Variants in PLD1 observed in about 807,000 individuals in gnomAD.
PLD1 encodes phospholipase D1, also known as choline phosphatase 1.
PLD1 carries 112 observed loss-of-function variants against 137.1 expected under a neutral mutation model. That is an observed-to-expected ratio of 0.82 (90% CI 0.70 to 0.96). The LOEUF (loss-of-function observed/expected upper bound fraction) is 0.96, where lower values mean the gene tolerates loss of function less well. Ranked by LOEUF, PLD1 falls within the 40% of genes least tolerant of loss-of-function variation. The probability of loss-of-function intolerance (pLI) is 0.00; values close to 1 mark genes in which losing one functional copy is unlikely to be tolerated. For missense variants in PLD1, 1,321 were observed against 1,342.0 expected (o/e 0.98, Z 0.24); for synonymous variants, 431 against 454.7 (o/e 0.95, Z 0.66).
At chr3:171,725,403 C>A (rs1718428730) in intron 7 of PLD1, among the ~76,000 whole-genome samples, 1 of 152,004 alleles carries the variant, frequency 6.6e-6, no homozygotes, top group South Asian at 2.1e-4. Context: ...TTGAGCCATG[C>A]CAAAGGAAGC....
chr3:171,752,006 A>C (rs1310826890), intron 1 of PLD1, among the ~76,000 whole-genome samples: 1 of 151,844 alleles, frequency 6.6e-6, no homozygotes, highest in Non-Finnish European at 1.5e-5. Flanking sequence ...CCGTCTCAAA[A>C]AAAAAAAAAA....
intron 14 of PLD1, 34 bp downstream of exon 14, chr3:171,688,642 G>A (rs768882288): frequency 6.9e-7 from 1 of 1,457,448 alleles, no homozygotes; most frequent in Admixed American, 1.7e-5. Flanking sequence ...TTATGTTCGT[G>A]TTATACATTT....
At chr3:171,633,109 T>A (rs1015239364) in intron 23 of PLD1, among the ~76,000 whole-genome samples, 1 of 152,180 alleles carries the variant, frequency 6.6e-6, no homozygotes, top group Non-Finnish European at 1.5e-5. Context: ...TCAAATGCTA[T>A]GGGGACACCC....
At chr3:171,727,103 T>C (rs1452034088) in intron 6 of PLD1, among the ~76,000 whole-genome samples, 1 of 152,250 alleles carries the variant, frequency 6.6e-6, no homozygotes, top group African/African-American at 2.4e-5. Flanking sequence ...TATTATTCTT[T>C]TGATTTTTTT....
chr3:171,776,680 C>A (rs542098168), intron 1 of PLD1, among the ~76,000 whole-genome samples: 1 of 152,312 alleles, frequency 6.6e-6, no homozygotes, highest in Non-Finnish European at 1.5e-5. Context: ...CATCCCTTCC[C>A]TATTCTGTAA....
intron 7 of PLD1, among the ~76,000 whole-genome samples, chr3:171,725,118 A>G (rs779344731): frequency 2.6e-5 from 4 of 152,226 alleles, no homozygotes; most frequent in African/African-American, 4.8e-5. Flanking sequence ...CAGCACACCA[A>G]CATGGCACAT....
intron 1 of PLD1, among the ~76,000 whole-genome samples, chr3:171,755,828 C>T (rs1035154700): frequency 6.6e-6 from 1 of 152,176 alleles, no homozygotes; most frequent in Non-Finnish European, 1.5e-5. Context: ...CCTATCTATC[C>T]AGCTGCCTAG....
At chr3:171,629,161 A>G (rs1734423780) in intron 23 of PLD1, among the ~76,000 whole-genome samples, 1 of 151,740 alleles carries the variant, frequency 6.6e-6, no homozygotes. Flanking sequence ...AACTTCAGCA[A>G]AGTCTCAGGA....
intron 20 of PLD1, 85 bp downstream of exon 20, chr3:171,661,975 G>T (rs938977738): frequency 1.4e-6 from 1 of 694,726 alleles, no homozygotes; most frequent in Non-Finnish European, 2.6e-6. Flanking sequence ...AATATGAGGG[G>T]TCCTAAGTTT....
chr3:171,738,228 A>C, intron 1 of PLD1, 146 bp from the exon 2 acceptor site: 1 of 407,870 alleles, frequency 2.5e-6, no homozygotes. Flanking sequence ...ACAACCTTTT[A>C]GTTTACGTTC....
intron 1 of PLD1, among the ~76,000 whole-genome samples, chr3:171,795,251 C>T (rs1314717856): frequency 6.6e-6 from 1 of 152,184 alleles, no homozygotes; most frequent in Admixed American, 6.6e-5. Context: ...TTTCATGTGT[C>T]GCCCATGGGA....
intron 11 of PLD1, 85 bp downstream of exon 11, chr3:171,708,670 G>A (rs1252427548): frequency 4.4e-5 from 33 of 747,292 alleles, no homozygotes; most frequent in Non-Finnish European, 7.4e-5. Context: ...TTTTCATAAT[G>A]TGTAATTCTT....
At chr3:171,711,971 C>T (rs1316128525) in intron 9 of PLD1, among the ~76,000 whole-genome samples, 1 of 152,066 alleles carries the variant, frequency 6.6e-6, no homozygotes, top group Non-Finnish European at 1.5e-5. Context: ...CCAGCTGTAT[C>T]CCTGCCATGT....
At chr3:171,644,851 C>T in intron 22 of PLD1, 59 bp downstream of exon 22, 2 of 954,930 alleles carry the variant, frequency 2.1e-6, no homozygotes, top group Non-Finnish European at 3.5e-6. Flanking sequence ...CCATTCCCTT[C>T]ATCAGCTTAC....
At chr3:171,768,288 T>A (rs1722112686) in intron 1 of PLD1, among the ~76,000 whole-genome samples, 1 of 152,158 alleles carries the variant, frequency 6.6e-6, no homozygotes, top group African/African-American at 2.4e-5. Flanking sequence ...TCTCCCACAT[T>A]TTCTGGTACG....
chr3:171,624,445 T>C (rs1176178369), intron 23 of PLD1, among the ~76,000 whole-genome samples: 1 of 152,152 alleles, frequency 6.6e-6, no homozygotes, highest in East Asian at 1.9e-4. Context: ...ATACAAATTT[T>C]TTGAAGGGTC....
chr3:171,759,356 C>T (rs1226287735), intron 1 of PLD1, among the ~76,000 whole-genome samples: 1 of 152,190 alleles, frequency 6.6e-6, no homozygotes, highest in Non-Finnish European at 1.5e-5. Context: ...TATCCAGATA[C>T]TGAAGATACT....
chr3:171,630,102 G>T (rs1435061562), intron 23 of PLD1, among the ~76,000 whole-genome samples: 1 of 151,318 alleles, frequency 6.6e-6, no homozygotes, highest in Non-Finnish European at 1.5e-5. Context: ...GAAAATTTTC[G>T]CAACCTACTC....
chr3:171,639,934 A>G (rs1268718863), intron 23 of PLD1, among the ~76,000 whole-genome samples: 2 of 147,618 alleles, frequency 1.4e-5, no homozygotes, highest in African/African-American at 5.0e-5. Context: ...TTGTCCATCT[A>G]TCTGGGCTAA....
Sources: allele counts gnomAD v4.1 joint callset (sites outside exome capture counted in the v4.1 genomes callset), GRCh38; gene constraint gnomAD v4.1.1; transcripts MANE v1.5; gene names NCBI Gene and HGNC (gene_info 2026-07-23, HGNC 2026-07-21).